DPP10: variants seen among roughly 807,000 people sequenced by gnomAD.
DPP10 encodes dipeptidyl peptidase like 10.
Under a neutral mutation model 120.9 loss-of-function variants are expected in DPP10, and 33 were observed. The observed-to-expected ratio is 0.27, with a 90% confidence interval of 0.21 to 0.37. DPP10 has a LOEUF of 0.37. DPP10 is among the 10% of genes least tolerant of loss of function. The probability of loss-of-function intolerance (pLI) is 1.00; values close to 1 mark genes in which losing one functional copy is unlikely to be tolerated. For synonymous variants in DPP10, 337 were observed against 326.1 expected (o/e 1.03, Z -0.36); for missense variants, 816 against 942.8 (o/e 0.87, Z 1.76).
At chr2:115,698,487 G>A (rs1251932766) in intron 7 of DPP10, among the ~76,000 whole-genome samples, 1 of 152,134 alleles carries the variant, frequency 6.6e-6, no homozygotes, top group Non-Finnish European at 1.5e-5. Context: ...AGTTTTAGGA[G>A]GTAATTAAGT....
intron 5 of DPP10, 79 bp downstream of exon 5, chr2:115,526,051 A>T: frequency 8.0e-7 from 1 of 1,246,510 alleles, no homozygotes; most frequent in Admixed American, 2.2e-5. Flanking sequence ...CTCAGCTATA[A>T]CTCACCTAAG....
intron 5 of DPP10, among the ~76,000 whole-genome samples, chr2:115,538,347 C>G (rs922657189): frequency 6.6e-6 from 1 of 151,842 alleles, no homozygotes; most frequent in Admixed American, 6.6e-5. Flanking sequence ...GTGAGAGCCT[C>G]CATGGATCGA....
intron 1 of DPP10, among the ~76,000 whole-genome samples, chr2:114,597,809 T>C (rs1437938099): frequency 6.6e-6 from 1 of 151,962 alleles, no homozygotes; most frequent in African/African-American, 2.4e-5. Context: ...TCAATGTCTT[T>C]GTCACTTGCC....
At chr2:114,859,104 A>G (rs1689600379) in intron 1 of DPP10, among the ~76,000 whole-genome samples, 1 of 152,036 alleles carries the variant, frequency 6.6e-6, no homozygotes, top group South Asian at 2.1e-4. Context: ...AGGTGGGTGG[A>G]TCACTTGAGG....
intron 1 of DPP10, among the ~76,000 whole-genome samples, chr2:114,479,671 G>A (rs1680841016): frequency 6.6e-6 from 1 of 152,084 alleles, no homozygotes; most frequent in African/African-American, 2.4e-5. Context: ...TATATAGAAA[G>A]CTGAAACTGA....
intron 1 of DPP10, among the ~76,000 whole-genome samples, chr2:114,545,654 C>CA (rs1412601669): frequency 1.4e-4 from 22 of 151,976 alleles, no homozygotes; most frequent in Non-Finnish European, 2.8e-4. Flanking sequence ...ATTCTTTTTG[C>CA]AAAAAAACAG....
intron 19 of DPP10, among the ~76,000 whole-genome samples, chr2:115,792,466 T>G (rs1684092253): frequency 1.3e-5 from 2 of 152,122 alleles, no homozygotes; most frequent in African/African-American, 4.8e-5. Flanking sequence ...ATATTTAATT[T>G]TCTCTCTCAC....
chr2:115,235,594 C>T (rs1056153242), intron 1 of DPP10, among the ~76,000 whole-genome samples: 1 of 152,014 alleles, frequency 6.6e-6, no homozygotes, highest in African/African-American at 2.4e-5. Flanking sequence ...CCGAGTCTCA[C>T]TCTGTTGACC....
intron 1 of DPP10, among the ~76,000 whole-genome samples, chr2:114,669,114 T>C (rs1166113197): frequency 6.6e-6 from 1 of 152,172 alleles, no homozygotes; most frequent in Non-Finnish European, 1.5e-5. Flanking sequence ...TCTACTTTCT[T>C]GTTGTTACAA....
chr2:115,031,439 T>C (rs1703834391), intron 1 of DPP10, among the ~76,000 whole-genome samples: 2 of 152,196 alleles, frequency 1.3e-5, no homozygotes. Flanking sequence ...TGCAATCTAA[T>C]TAATTTGTTC....
At chr2:115,286,525 TA>T (rs201209703) in intron 1 of DPP10, among the ~76,000 whole-genome samples, 11,703 of 38,882 alleles carry the variant, frequency 0.3, 1,608 homozygotes, top group East Asian at 0.53. Flanking sequence ...TATATATATA[TA>T]ATATATATAT....
At chr2:115,352,836 A>C (rs927961369) in intron 3 of DPP10, among the ~76,000 whole-genome samples, 1 of 152,106 alleles carries the variant, frequency 6.6e-6, no homozygotes, top group Non-Finnish European at 1.5e-5. Context: ...CTCCAAAATC[A>C]AAAACACATC....
At chr2:115,670,860 A>T (rs1004656159) in intron 5 of DPP10, among the ~76,000 whole-genome samples, 6 of 152,102 alleles carry the variant, frequency 3.9e-5, no homozygotes, top group African/African-American at 7.2e-5. Flanking sequence ...TGACTTCAAA[A>T]TTTTTGCTAA....
At chr2:114,448,680 AT>A (rs997269200) in intron 1 of DPP10, among the ~76,000 whole-genome samples, 27 of 152,324 alleles carry the variant, frequency 1.8e-4, no homozygotes, top group Admixed American at 5.9e-4. Flanking sequence ...CATCTGTGCT[AT>A]TGTCAGCCTG....
At position 115,088,303 on chromosome 2, in the gene DPP10, T is replaced by C. The variant is rs531381332; in HGVS notation, c.61-220936T>C. On this transcript the variant is annotated intron_variant, in intron 1 of 25. Coordinates refer to ENST00000410059, the MANE Select transcript of DPP10 (RefSeq NM_020868.6). Reference sequence around the variant, plus strand: ...GCAGGAGGGAACACACTTTGATAGCTGTTCTTCTAGAGAAATGTCTATAGT... The same window carrying C: ...GCAGGAGGGAACACACTTTGATAGCCGTTCTTCTAGAGAAATGTCTATAGT... Among the ~76,000 whole-genome samples, 410 of 152,318 alleles carry C rather than the reference T, an allele frequency of 2.7e-3. 2 individuals are homozygous for C. The highest frequency in any genetic ancestry group is 5.8e-3 in the South Asian group (28 of 4,824).
At chr2:115,361,914 G>A (rs1559484093) in intron 3 of DPP10, among the ~76,000 whole-genome samples, 2 of 151,786 alleles carry the variant, frequency 1.3e-5, no homozygotes. Flanking sequence ...CAGCTATGTT[G>A]GCCCCCCAAC....
intron 5 of DPP10, among the ~76,000 whole-genome samples, chr2:115,570,504 T>C (rs2081276605): frequency 6.6e-6 from 1 of 152,198 alleles, no homozygotes; most frequent in Admixed American, 6.5e-5. Flanking sequence ...CATTCTGTGC[T>C]CACATGTTTT....
At chr2:115,708,536 T>G (rs1234797704) in intron 7 of DPP10, among the ~76,000 whole-genome samples, 1 of 152,058 alleles carries the variant, frequency 6.6e-6, no homozygotes, top group Non-Finnish European at 1.5e-5. Flanking sequence ...GTGAATAATG[T>G]CAAGTTGGCT....
chr2:115,133,145 G>GTATATATATATATATATA (rs1246180843), intron 1 of DPP10, among the ~76,000 whole-genome samples: 35 of 28,754 alleles, frequency 1.2e-3, no homozygotes, highest in African/African-American at 1.5e-3. Context: ...GTGTGTGTGT[G>GTATATATATATATATATA]TATATATATA....
Sources: gnomAD v4.1 joint callset for allele counts (sites outside exome capture counted in the v4.1 genomes callset) on GRCh38, gnomAD v4.1.1 for gene constraint, MANE v1.5 for transcripts, NCBI Gene and HGNC (gene_info 2026-07-23, HGNC 2026-07-21) for gene names.